Variants in ANAPC10 observed in about 807,000 individuals in gnomAD.
ANAPC10 encodes anaphase promoting complex subunit 10.
In ANAPC10, 12 loss-of-function variants were observed where a neutral mutation model predicts 22.0. The ratio of observed to expected loss-of-function variants is 0.55; its 90% CI spans 0.35 to 0.88. The LOEUF (loss-of-function observed/expected upper bound fraction) is 0.88, where lower values mean the gene tolerates loss of function less well. Among genes scored for constraint, ANAPC10 ranks in the 40% least tolerant of loss-of-function variants. The pLI is 0.01. For missense variants in ANAPC10, 188 were observed against 220.9 expected (o/e 0.85, Z 0.94); for synonymous variants, 65 against 69.5 (o/e 0.94, Z 0.32).
intron 4 of ANAPC10, among the ~76,000 whole-genome samples, chr4:145,032,390 G>T (rs1737740053): frequency 6.6e-6 from 1 of 152,224 alleles, no homozygotes; most frequent in Admixed American, 6.5e-5. Flanking sequence ...GGACTTGGAA[G>T]AATCATGATT....
At chr4:145,096,995 G>A (rs933519912) in intron 1 of ANAPC10, among the ~76,000 whole-genome samples, 3 of 152,124 alleles carry the variant, frequency 2.0e-5, no homozygotes, top group Admixed American at 6.5e-5. Context: ...TGGATTGCTT[G>A]AGCCCAGGAG....
At chr4:145,015,394 A>T (rs1734957092) in intron 4 of ANAPC10, among the ~76,000 whole-genome samples, 2 of 152,100 alleles carry the variant, frequency 1.3e-5, no homozygotes. Flanking sequence ...AGACAAAGAA[A>T]AAAGAATAAG....
rs867841069 is a variant in ANAPC10 at position 145,078,560 on chromosome 4, T to C, written c.206+3100A>G. ...ATATGGAACCAAAAAAGAGCCTCAA[T>C]AGCCAAAGCAATACTAAGCAAAAAG... On this transcript the variant is annotated intron_variant, in intron 3 of 4. Coordinates refer to ENST00000507656, the MANE Select transcript of ANAPC10 (RefSeq NM_001256706.2). Among the ~76,000 whole-genome samples the C allele has an allele frequency of 3.9e-5, 6 of 152,232 alleles. 1 individual carries two copies. The highest frequency in any genetic ancestry group is 7.2e-5 in the African/African-American group (3 of 41,556).
intron 4 of ANAPC10, among the ~76,000 whole-genome samples, chr4:145,037,794 A>G (rs1738819860): frequency 6.6e-6 from 1 of 151,940 alleles, no homozygotes; most frequent in Admixed American, 6.5e-5. Context: ...AAAAAACACA[A>G]AAATTAGCAG....
intron 3 of ANAPC10, among the ~76,000 whole-genome samples, chr4:145,072,113 A>G (rs1299438004): frequency 1.3e-5 from 2 of 152,208 alleles, no homozygotes; most frequent in East Asian, 3.8e-4. Flanking sequence ...AGAAACTTTA[A>G]AGCAAGATTG....
chr4:145,026,984 TATA>T (rs1375855638), intron 4 of ANAPC10, among the ~76,000 whole-genome samples: 2 of 44,388 alleles, frequency 4.5e-5, no homozygotes, highest in Admixed American at 3.4e-4. Context: ...TATATATATA[TATA>T]TTTTTTTTTT....
At chr4:145,024,750 G>A (rs140929122) in intron 4 of ANAPC10, among the ~76,000 whole-genome samples, 5 of 152,236 alleles carry the variant, frequency 3.3e-5, no homozygotes, top group Non-Finnish European at 5.9e-5. Flanking sequence ...TTTTAGAATA[G>A]TGAGTGCTGC....
chr4:145,029,761 C>T (rs2127046225), intron 4 of ANAPC10, among the ~76,000 whole-genome samples: 1 of 152,184 alleles, frequency 6.6e-6, no homozygotes, highest in East Asian at 1.9e-4. Context: ...GATCCAAAAG[C>T]TTAGGGAGAT....
chr4:145,076,674 T>A (rs1023325890), intron 3 of ANAPC10, among the ~76,000 whole-genome samples: 1 of 152,172 alleles, frequency 6.6e-6, no homozygotes, highest in Non-Finnish European at 1.5e-5. Flanking sequence ...AAGATGCAGA[T>A]GGAAGTTGAA....
intron 4 of ANAPC10, among the ~76,000 whole-genome samples, chr4:145,006,935 A>G (rs1733460855): frequency 1.3e-5 from 2 of 152,050 alleles, no homozygotes; most frequent in South Asian, 4.1e-4. Context: ...AATTAGTCCC[A>G]CAATACAGGC....
intron 4 of ANAPC10, among the ~76,000 whole-genome samples, chr4:145,038,803 C>CA (rs1739020478): frequency 7.7e-6 from 1 of 129,856 alleles, no homozygotes; most frequent in African/African-American, 3.0e-5. Context: ...GCCTGGGAGA[C>CA]AGAGTGAGAC....
At chr4:145,024,863 C>T (rs1330296720) in intron 4 of ANAPC10, among the ~76,000 whole-genome samples, 2 of 152,176 alleles carry the variant, frequency 1.3e-5, no homozygotes, top group Non-Finnish European at 2.9e-5. Context: ...CTATGGAAGT[C>T]GTAGTTGGCA....
chr4:145,027,912 C>T (rs1458846460), intron 4 of ANAPC10, among the ~76,000 whole-genome samples: 2 of 151,884 alleles, frequency 1.3e-5, no homozygotes, highest in East Asian at 3.9e-4. Flanking sequence ...AGAGGTCTCC[C>T]AAAAGAAAAA....
chr4:145,007,023 T>A (rs1250427240), intron 4 of ANAPC10, among the ~76,000 whole-genome samples: 1 of 151,886 alleles, frequency 6.6e-6, no homozygotes, highest in Non-Finnish European at 1.5e-5. Flanking sequence ...AAAATATACA[T>A]CTCCTGGGAG....
intron 2 of ANAPC10, among the ~76,000 whole-genome samples, chr4:145,085,873 T>C (rs1264729962): frequency 6.6e-6 from 1 of 151,768 alleles, no homozygotes; most frequent in Non-Finnish European, 1.5e-5. Context: ...TTTCTTTTTT[T>C]TTTTTTTTAA....
At chr4:145,081,887 T>C in intron 2 of ANAPC10, 137 bp from the exon 3 acceptor site, 1 of 687,304 alleles carries the variant, frequency 1.5e-6, no homozygotes, top group Non-Finnish European at 2.5e-6. Context: ...TTTTTATTTA[T>C]TTTTTGTAGA....
intron 2 of ANAPC10, among the ~76,000 whole-genome samples, chr4:145,086,708 G>C (rs1226762146): frequency 6.6e-6 from 1 of 151,840 alleles, no homozygotes; most frequent in East Asian, 1.9e-4. Flanking sequence ...GTATTTAGCT[G>C]TATCCCTGGG....
At chr4:145,002,571 G>T (rs947047199) in intron 4 of ANAPC10, among the ~76,000 whole-genome samples, 1 of 151,980 alleles carries the variant, frequency 6.6e-6, no homozygotes, top group East Asian at 1.9e-4. Flanking sequence ...TAAAAAAGAC[G>T]CATAACAAAA....
Position 145,092,337 on chromosome 4 carries a change from A to T in ANAPC10, c.115+3648T>A, listed in dbSNP as rs190159239. On this transcript the variant is annotated intron_variant, in intron 2 of 4. Transcript: ENST00000507656. ...AGAACTTAAACTTAAAATTTAAATT[A>T]AAAAAAATCACCTCCATCCAAACAA... 3.8e-3 allele frequency among the ~76,000 whole-genome samples: 585 copies of T among 152,124 alleles called. 2 individuals carry two copies. Among genetic ancestry groups the T allele is most frequent in the African/African-American group, 0.012 (507 of 41,496 alleles).
Sources: allele counts gnomAD v4.1 joint callset (sites outside exome capture counted in the v4.1 genomes callset), GRCh38; gene constraint gnomAD v4.1.1; transcripts MANE v1.5; gene names NCBI Gene and HGNC (gene_info 2026-07-23, HGNC 2026-07-21).